STIM1: variants seen among roughly 807,000 people sequenced by gnomAD.
STIM1 encodes the protein stromal interaction molecule 1.
Under a neutral mutation model 74.7 loss-of-function variants are expected in STIM1, and 25 were observed. That is an observed-to-expected ratio of 0.33 (90% CI 0.24 to 0.47). The LOEUF (loss-of-function observed/expected upper bound fraction) is 0.47. Ranked by LOEUF, STIM1 falls within the 20% of genes least tolerant of loss-of-function variation. The pLI is 1.00. For missense variants in STIM1, 728 were observed against 920.8 expected (o/e 0.79, Z 2.71); for synonymous variants, 328 against 348.8 (o/e 0.94, Z 0.66).
At chr11:3,861,967 A>G (rs945033430) in intron 1 of STIM1, among the ~76,000 whole-genome samples, 3 of 152,076 alleles carry the variant, frequency 2.0e-5, no homozygotes, top group Non-Finnish European at 4.4e-5. Context: ...CTTTGTGGGC[A>G]TGCTGTGGTA....
intron 1 of STIM1, 53 bp from the exon 2 acceptor site, chr11:3,967,499 T>C: frequency 6.2e-7 from 1 of 1,613,150 alleles, no homozygotes; most frequent in Non-Finnish European, 8.5e-7. Context: ...AGGTGGGTGA[T>C]AGGTTCTGGG....
chr11:4,059,243 C>T (rs958093081), intron 4 of STIM1, 38 bp from the exon 5 acceptor site: 10 of 1,568,566 alleles, frequency 6.4e-6, no homozygotes, highest in Non-Finnish European at 7.9e-6. Context: ...CCTGGCTTTA[C>T]TGGGAGGGAA....
chr11:3,894,208 A>T (rs1374312774), intron 1 of STIM1, among the ~76,000 whole-genome samples: 1 of 152,368 alleles, frequency 6.6e-6, no homozygotes. Context: ...AGTGACTGTG[A>T]CTAACTTGTA....
chr11:4,018,553 G>A (rs1195254882), intron 2 of STIM1, among the ~76,000 whole-genome samples: 1 of 150,904 alleles, frequency 6.6e-6, no homozygotes, highest in African/African-American at 2.4e-5. Flanking sequence ...GCTGAGGCAG[G>A]AGAATTGCTT....
intron 2 of STIM1, among the ~76,000 whole-genome samples, chr11:4,022,233 G>A (rs1423785314): frequency 2.7e-5 from 4 of 150,878 alleles, no homozygotes; most frequent in East Asian, 3.9e-4. Flanking sequence ...TACTTGGGAG[G>A]CAGAGATGGA....
intron 3 of STIM1, among the ~76,000 whole-genome samples, chr11:4,029,639 C>T (rs932876119): frequency 8.6e-5 from 13 of 151,734 alleles, no homozygotes; most frequent in Admixed American, 1.3e-4. Flanking sequence ...GTGGTGTGTG[C>T]GTATGTGTGC....
intron 1 of STIM1, among the ~76,000 whole-genome samples, chr11:3,900,580 C>T (rs1385658315): frequency 6.6e-6 from 1 of 152,192 alleles, no homozygotes; most frequent in Non-Finnish European, 1.5e-5. Context: ...ATCTTGGCTC[C>T]CGACCTGTTT....
intron 1 of STIM1, among the ~76,000 whole-genome samples, chr11:3,932,224 C>T (rs752906416): frequency 3.3e-5 from 5 of 152,206 alleles, no homozygotes; most frequent in African/African-American, 4.8e-5. Flanking sequence ...TGTTTGCTGG[C>T]TCTAGGTCTC....
At chr11:3,919,957 A>G (rs1222652248) in intron 1 of STIM1, among the ~76,000 whole-genome samples, 1 of 152,056 alleles carries the variant, frequency 6.6e-6, no homozygotes, top group Admixed American at 6.6e-5. Flanking sequence ...ATGCCCCTTT[A>G]GCCCTTTCTA....
At chr11:3,976,382 G>A (rs1432494009) in intron 2 of STIM1, among the ~76,000 whole-genome samples, 1 of 152,188 alleles carries the variant, frequency 6.6e-6, no homozygotes, top group Non-Finnish European at 1.5e-5. Context: ...GGTTATTAGT[G>A]TAGGGGAGGT....
At chr11:4,002,655 C>T (rs971872764) in intron 2 of STIM1, among the ~76,000 whole-genome samples, 1 of 150,002 alleles carries the variant, frequency 6.7e-6, no homozygotes, top group East Asian at 2.0e-4. Flanking sequence ...AAAATTGACA[C>T]CCTAACATCA....
chr11:3,974,571 G>A (rs184328087), intron 2 of STIM1, among the ~76,000 whole-genome samples: 1 of 149,452 alleles, frequency 6.7e-6, no homozygotes, highest in Non-Finnish European at 1.5e-5. Flanking sequence ...GACTTTTTAA[G>A]AGTCTCTTAA....
intron 1 of STIM1, among the ~76,000 whole-genome samples, chr11:3,873,174 G>C (rs2091179853): frequency 6.6e-6 from 1 of 152,032 alleles, no homozygotes; most frequent in Non-Finnish European, 1.5e-5. Context: ...CCGGCACTTT[G>C]GGAGGCCAAG....
chr11:3,861,567 G>A (rs1347510613), intron 1 of STIM1, among the ~76,000 whole-genome samples: 2 of 152,150 alleles, frequency 1.3e-5, no homozygotes, highest in African/African-American at 4.8e-5. Flanking sequence ...GTAATGATGA[G>A]TGTAAATAAT....
chr11:3,942,236 G>C (rs925662112), intron 1 of STIM1, among the ~76,000 whole-genome samples: 3 of 152,146 alleles, frequency 2.0e-5, no homozygotes, highest in African/African-American at 7.2e-5. Flanking sequence ...AACCTGGTCT[G>C]TCTACTCCAA....
chr11:3,863,041 C>G lies in STIM1; in HGVS notation c.139+6632C>G, dbSNP rs184629389. On this transcript the variant is annotated intron_variant, in intron 1 of 12. Coordinates refer to ENST00000526596, the MANE Select transcript of STIM1 (RefSeq NM_001382567.1). Reference sequence around the variant, plus strand: ...CCAAGTAGCTGGGATTACAGGTGCCCGCCACCACACCTGGCTAATTTTTGT... The same window carrying G: ...CCAAGTAGCTGGGATTACAGGTGCCGGCCACCACACCTGGCTAATTTTTGT... 4.1e-3 allele frequency among the ~76,000 whole-genome samples: 618 copies of G among 149,478 alleles called. 4 individuals carry two copies. Among genetic ancestry groups the G allele is most frequent in the South Asian group, 0.017 (82 of 4,714 alleles).
chr11:3,937,314 T>TAATAATAATAATAATAATAAA (rs1344902765), intron 1 of STIM1, among the ~76,000 whole-genome samples: 4 of 148,938 alleles, frequency 2.7e-5, no homozygotes, highest in Non-Finnish European at 4.5e-5. Context: ...ATAATAATAA[T>TAATAATAATAATAATAATAAA]AATAAAATAT....
At chr11:3,867,871 A>G (rs11030128) in intron 1 of STIM1, among the ~76,000 whole-genome samples, 47,706 of 118,620 alleles carry the variant, frequency 0.4, 9,064 homozygotes, top group African/African-American at 0.57. Context: ...CAGGCAGGCA[A>G]GCAGGCAGGC....
chr11:3,923,421 C>T (rs2092745210), intron 1 of STIM1, among the ~76,000 whole-genome samples: 1 of 151,970 alleles, frequency 6.6e-6, no homozygotes, highest in South Asian at 2.1e-4. Flanking sequence ...CCAGCCTGGG[C>T]AACATGATGA....
Sources: gnomAD v4.1 joint callset for allele counts (sites outside exome capture counted in the v4.1 genomes callset) on GRCh38, gnomAD v4.1.1 for gene constraint, MANE v1.5 for transcripts, NCBI Gene and HGNC (gene_info 2026-07-23, HGNC 2026-07-21) for gene names.